Variants in PDGFRL observed in about 807,000 individuals in gnomAD.
The protein encoded by PDGFRL is platelet-derived growth factor receptor-like protein.
PDGFRL carries 46 observed loss-of-function variants against 37.2 expected under a neutral mutation model. The observed-to-expected ratio is 1.24, with a 90% CI of 0.98 to 1.58. PDGFRL has a LOEUF of 1.58. Ranked by LOEUF, PDGFRL falls within the 40% of genes most tolerant of loss-of-function variation. The pLI is 0.00. For missense variants in PDGFRL, 692 were observed against 467.6 expected (o/e 1.48, Z -4.43); for synonymous variants, 251 against 184.3 (o/e 1.36, Z -2.93).
chr8:17,578,018 C>T (rs1803625083), intron 1 of PDGFRL, among the ~76,000 whole-genome samples: 1 of 151,864 alleles, frequency 6.6e-6, no homozygotes, highest in East Asian at 2.0e-4. Flanking sequence ...CTGTCGTGTA[C>T]ACCCGTGACC....
Position 17,581,316 on chromosome 8 carries a change from G to GTGTGGC in PDGFRL, c.55+4020_55+4025dup, listed in dbSNP as rs1210035097. ...CAAGATGGGCTTGTACCGGTTGCCA[G>GTGTGGC]TGTGGCTGTGGCTGTGATGCGTGGG... On this transcript the variant is annotated intron_variant, in intron 1 of 5. Coordinates refer to ENST00000251630, the MANE Select transcript of PDGFRL (RefSeq NM_001372073.1). Among the ~76,000 whole-genome samples, 9 of 152,214 alleles carry GTGTGGC rather than the reference G, an allele frequency of 5.9e-5. No homozygotes were observed. In the South Asian group the frequency reaches 1.0e-3, roughly 17 times the overall value.
intron 2 of PDGFRL, among the ~76,000 whole-genome samples, chr8:17,606,886 G>GTTTTTTTTTTTTTTT (rs371085758): frequency 7.2e-6 from 1 of 138,262 alleles, no homozygotes; most frequent in African/African-American, 2.8e-5. Context: ...TTCGTTTTTT[G>GTTTTTTTTTTTTTTT]TTTTTTTGTT....
chr8:17,583,912 G>T (rs1339590782), intron 1 of PDGFRL, among the ~76,000 whole-genome samples: 2 of 152,132 alleles, frequency 1.3e-5, no homozygotes, highest in South Asian at 2.1e-4. Flanking sequence ...GAATCTTCTG[G>T]CCAGCAGAAC....
intron 2 of PDGFRL, among the ~76,000 whole-genome samples, chr8:17,616,428 C>T (rs1804530091): frequency 1.3e-5 from 2 of 152,032 alleles, no homozygotes; most frequent in South Asian, 2.1e-4. Context: ...CTCTTGACGT[C>T]GTGATCCACC....
At chr8:17,592,724 C>T (rs1039714658) in intron 2 of PDGFRL, among the ~76,000 whole-genome samples, 1 of 152,186 alleles carries the variant, frequency 6.6e-6, no homozygotes, top group Admixed American at 6.5e-5. Context: ...CAGGCCCCCC[C>T]AGCTATGTGT....
intron 5 of PDGFRL, among the ~76,000 whole-genome samples, chr8:17,641,199 T>G (rs1805084910): frequency 6.6e-6 from 1 of 152,228 alleles, no homozygotes; most frequent in Non-Finnish European, 1.5e-5. Flanking sequence ...TACCAGCCTC[T>G]TGGATAAGAA....
chr8:17,582,311 C>T (rs868336887), intron 1 of PDGFRL, among the ~76,000 whole-genome samples: 2 of 152,020 alleles, frequency 1.3e-5, no homozygotes, highest in Non-Finnish European at 2.9e-5. Context: ...TAGGATCAGC[C>T]GGGCAGGGTG....
At chr8:17,632,440 G>C in intron 4 of PDGFRL, among the ~76,000 whole-genome samples, 1 of 151,780 alleles carries the variant, frequency 6.6e-6, no homozygotes, top group Non-Finnish European at 1.5e-5. Context: ...TCCTGGGCTC[G>C]AGGGATTCTC....
chr8:17,588,980 G>A (rs2150812023), intron 1 of PDGFRL, among the ~76,000 whole-genome samples: 1 of 152,188 alleles, frequency 6.6e-6, no homozygotes, highest in African/African-American at 2.4e-5. Flanking sequence ...ATTTTTTAAT[G>A]TTTTAAAATT....
At chr8:17,592,054 C>A (rs1231338909) in intron 2 of PDGFRL, among the ~76,000 whole-genome samples, 1 of 152,150 alleles carries the variant, frequency 6.6e-6, no homozygotes, top group South Asian at 2.1e-4. Flanking sequence ...ACTTGGTTAC[C>A]CAACCAGAAG....
intron 2 of PDGFRL, among the ~76,000 whole-genome samples, chr8:17,594,344 G>A (rs77888178): frequency 0.014 from 2,099 of 151,690 alleles, 50 homozygotes; most frequent in South Asian, 0.074. Context: ...AGGTTCAAGC[G>A]ATTCTCCTGC....
At chr8:17,609,603 A>T (rs550168836) in intron 2 of PDGFRL, among the ~76,000 whole-genome samples, 1 of 127,476 alleles carries the variant, frequency 7.8e-6, no homozygotes, top group South Asian at 2.7e-4. Flanking sequence ...ACGCCACTGC[A>T]CTCCAGCCTG....
chr8:17,578,423 G>T (rs1240121917), intron 1 of PDGFRL, among the ~76,000 whole-genome samples: 2 of 152,160 alleles, frequency 1.3e-5, no homozygotes, highest in Non-Finnish European at 2.9e-5. Context: ...TTGAGCATGA[G>T]GGTCCTTCAG....
intron 5 of PDGFRL, among the ~76,000 whole-genome samples, chr8:17,634,708 T>C (rs565090270): frequency 5.9e-5 from 9 of 152,224 alleles, no homozygotes; most frequent in Admixed American, 1.3e-4. Context: ...CTTAGCAAAC[T>C]AACACAGAAA....
chr8:17,588,986 A>C (rs1163533865), intron 1 of PDGFRL, among the ~76,000 whole-genome samples: 1 of 152,182 alleles, frequency 6.6e-6, no homozygotes, highest in Non-Finnish European at 1.5e-5. Flanking sequence ...TAATGTTTTA[A>C]AATTAATCAA....
intron 5 of PDGFRL, 133 bp downstream of exon 5, chr8:17,634,346 A>T (rs1401366995): frequency 3.0e-6 from 2 of 658,450 alleles, no homozygotes; most frequent in Non-Finnish European, 5.2e-6. Context: ...ATGTGGGGCT[A>T]TGTTGGGGGC....
At chr8:17,579,599 G>C (rs1014249083) in intron 1 of PDGFRL, among the ~76,000 whole-genome samples, 1 of 148,678 alleles carries the variant, frequency 6.7e-6, no homozygotes, top group African/African-American at 2.5e-5. Flanking sequence ...ATGGAGTCTT[G>C]CTATGTCACC....
chr8:17,638,484 T>C (rs1360237935), intron 5 of PDGFRL, among the ~76,000 whole-genome samples: 2 of 151,936 alleles, frequency 1.3e-5, no homozygotes, highest in Admixed American at 6.6e-5. Context: ...TCTTGGAGAA[T>C]GTTCCATGTG....
intron 4 of PDGFRL, among the ~76,000 whole-genome samples, chr8:17,632,956 C>T (rs539600848): frequency 1.3e-5 from 2 of 152,308 alleles, no homozygotes; most frequent in East Asian, 3.9e-4. Flanking sequence ...CTGTTCTATT[C>T]TGGCCTTTTG....
Sources: gnomAD v4.1 joint callset for allele counts (sites outside exome capture counted in the v4.1 genomes callset) on GRCh38, gnomAD v4.1.1 for gene constraint, MANE v1.5 for transcripts, NCBI Gene and HGNC (gene_info 2026-07-23, HGNC 2026-07-21) for gene names.